Variants in MVB12A observed in about 807,000 individuals in gnomAD.
The protein encoded by MVB12A is CIN85/CD2AP family binding protein.
In MVB12A, 30 loss-of-function variants were observed where a neutral mutation model predicts 34.3. The ratio of observed to expected loss-of-function variants is 0.88; its 90% CI spans 0.65 to 1.19. MVB12A has a LOEUF of 1.19. Ranked by LOEUF, MVB12A falls within the 50% of genes most tolerant of loss-of-function variation. The probability of loss-of-function intolerance (pLI) is 0.00; values close to 1 mark genes in which losing one functional copy is unlikely to be tolerated. For missense variants in MVB12A, 355 were observed against 369.2 expected (o/e 0.96, Z 0.31); for synonymous variants, 158 against 158.9 (o/e 0.99, Z 0.04).
At position 17,423,997 on chromosome 19, in the gene MVB12A, G is replaced by T. The variant is rs149308006; in HGVS notation, c.641-9G>T. The T allele has an allele frequency of 6.2e-7, 1 of 1,613,992 alleles. No individual in the cohort carries two copies. The highest frequency in any genetic ancestry group is 1.7e-5 in the Admixed American group (1 of 59,994). Reference sequence around the variant, plus strand: ...CACCTCACCTCCTCCCCTCGCACGTGTTTTTCAGCCATGGATGGGGTTCCC... The same window carrying T: ...CACCTCACCTCCTCCCCTCGCACGTTTTTTTCAGCCATGGATGGGGTTCCC... On this transcript the variant is annotated splice_polypyrimidine_tract_variant and intron_variant, in intron 6 of 8. Coordinates refer to ENST00000317040, the MANE Select transcript of MVB12A (RefSeq NM_138401.4).
Position 17,420,608 on chromosome 19 carries a change from C to T in MVB12A, c.260C>T (p.Ser87Phe), listed in dbSNP as rs1357319371. The change falls in exon 3 of 9, where the codon TCC becomes TTC. Residue 87 changes from serine to phenylalanine, a missense_variant. By Grantham distance (155) the Ser-to-Phe change is radical. Coordinates refer to ENST00000317040, the MANE Select transcript of MVB12A (RefSeq NM_138401.4). ...VDKSPLPLGF[S>F]PVCDPMDSKA... ...AAGAGCCCCCTGCCGCTGGGCTTCT[C>T]CCCCGTCTGCGACCCCATGGATTCC... The T allele has an allele frequency of 1.2e-6, 2 of 1,613,062 alleles. No homozygotes were observed. Among genetic ancestry groups the T allele is most frequent in the South Asian group, 1.1e-5 (1 of 91,048 alleles).
In MVB12A at chr19:17,424,984, C is replaced by G. The variant is rs1212056837; in HGVS notation, c.813C>G (p.Ser271Arg). 1 of 1,607,690 alleles carries G rather than the reference C, an allele frequency of 6.2e-7. No individual in the cohort carries two copies. The highest frequency in any genetic ancestry group is 1.1e-5 in the South Asian group (1 of 90,510). ...CCGCGGCTGCCCGCCTGCCCCCCAG[C>G]GTCTCATAGTCCCTCACCCTTCCGC... is the stretch of plus-strand genomic sequence containing the variant. ...EKTAAARLPPSVS is the reference protein window; with the variant it reads ...EKTAAARLPPRVS Residue 271 changes from serine to arginine, a missense_variant, in exon 9 of 9, where the codon AGC (serine) becomes AGG (arginine). Coordinates refer to ENST00000317040, the MANE Select transcript of MVB12A (RefSeq NM_138401.4).
chr19:17,414,656 G>A (rs983880376), intron 2 of MVB12A: 14 of 152,130 alleles, frequency 9.2e-5, no homozygotes, highest in African/African-American at 3.4e-4. Flanking sequence ...ATCACTTGAG[G>A]TCAGGAGTTC....
At chr19:17,424,372 A>G (rs2145764830) in intron 7 of MVB12A, among the ~76,000 whole-genome samples, 1 of 152,320 alleles carries the variant, frequency 6.6e-6, no homozygotes, top group Non-Finnish European at 1.5e-5. Flanking sequence ...ACTTGAGGCC[A>G]GGAGATCGAG....
intron 2 of MVB12A, among the ~76,000 whole-genome samples, chr19:17,410,472 G>A (rs891548026): frequency 5.8e-5 from 7 of 120,078 alleles, no homozygotes; most frequent in East Asian, 2.5e-4. Flanking sequence ...GCACCCAGCC[G>A]CTAGCATTCT....
chr19:17,422,182 T>C (rs2074842433), intron 3 of MVB12A, 150 bp from the exon 4 acceptor site: 1 of 617,132 alleles, frequency 1.6e-6, no homozygotes, highest in South Asian at 2.4e-5. Flanking sequence ...ATACCATTCA[T>C]GATTTAACCA....
At chr19:17,423,396 G>A in intron 4 of MVB12A, 102 bp from the exon 5 acceptor site, 1 of 1,305,176 alleles carries the variant, frequency 7.7e-7, no homozygotes, top group Non-Finnish European at 1.0e-6. Flanking sequence ...CCAAAAGACA[G>A]AGGTCACCTG....
chr19:17,416,847 GCAC>G (rs1445464554), upstream of MVB12A, among the ~76,000 whole-genome samples: 1 of 150,732 alleles, frequency 6.6e-6, no homozygotes, highest in Non-Finnish European at 1.5e-5. Context: ...CGACAGGTGT[GCAC>G]CACCACCCCC....
chr19:17,417,814 A>C (rs1170592518), upstream of MVB12A: 2 of 297,334 alleles, frequency 6.7e-6, no homozygotes, highest in African/African-American at 2.2e-5. Context: ...CTTCTCTTTC[A>C]CTGACACTGT....
chr19:17,416,785 C>T (rs559480060), upstream of MVB12A, among the ~76,000 whole-genome samples: 43 of 151,648 alleles, frequency 2.8e-4, no homozygotes, highest in African/African-American at 7.5e-4. Context: ...CTGCAACTTC[C>T]GCCTTCTGAG....
rs13346596 is a variant in MVB12A, at chr19:17,420,107, G to A, written c.-29G>A. Reference sequence around the variant, plus strand: ...TCCGAGGTTCGAGGCTGTGCCCCGCGACCCCGCCTTCGGCGCTCGGCTCGC... The same window carrying A: ...TCCGAGGTTCGAGGCTGTGCCCCGCAACCCCGCCTTCGGCGCTCGGCTCGC... On this transcript the variant is annotated 5_prime_UTR_variant, in exon 1 of 9. Transcript: ENST00000317040. 4.5e-5 allele frequency: 59 copies of A among 1,312,734 alleles called. No homozygotes were observed. Among genetic ancestry groups the A allele is most frequent in the Non-Finnish European group, 5.5e-5 (57 of 1,037,108 alleles). The allele number at this position is 1,312,734 out of a possible 1,614,324, so 81.3% of individuals were successfully genotyped here. A position where few individuals can be genotyped will look rare whatever the true frequency, so the allele number is the denominator to read the frequency against.
At chr19:17,421,699 T>C (rs1162751704) in intron 3 of MVB12A, among the ~76,000 whole-genome samples, 1 of 151,946 alleles carries the variant, frequency 6.6e-6, no homozygotes, top group South Asian at 2.1e-4. Flanking sequence ...CCCAGCACTT[T>C]GGGAGCCTGA....
rs549243437 is a variant in MVB12A at position 17,412,427 on chromosome 19, C to T, written c.-5+6131C>T. On this transcript the variant is annotated intron_variant, in intron 2 of 6. Transcript: ENST00000528604. ...GATCAAAGGTGTGTGCCACCACGCC[C>T]GGCTAATTTTTGTATTTTTAGTAGA... Among the ~76,000 whole-genome samples the T allele has an allele frequency of 1.8e-3, 278 of 152,170 alleles. 2 individuals are homozygous for T. Among genetic ancestry groups the T allele is most frequent in the African/African-American group, 5.6e-3 (234 of 41,506 alleles).
chr19:17,425,251 T>G lies in MVB12A; in HGVS notation c.*258T>G. On this transcript the variant is annotated 3_prime_UTR_variant, in exon 9 of 9. Coordinates refer to ENST00000317040, the MANE Select transcript of MVB12A (RefSeq NM_138401.4). ...GGAGCTGGACAGAAGCCAGTGCCTT[T>G]AAGTCATTTGTGTCAAAACCCTCTG... 1 of 483,148 alleles carries G rather than the reference T, an allele frequency of 2.1e-6. No homozygotes were observed. The allele number at this position is 483,148 out of a possible 1,614,324, so 29.9% of individuals were successfully genotyped here. A position where few individuals can be genotyped will look rare whatever the true frequency, so the allele number is the denominator to read the frequency against.
At chr19:17,418,984 A>G (rs2074819258), upstream of MVB12A, 1 of 151,698 alleles carries the variant, frequency 6.6e-6, no homozygotes, top group Non-Finnish European at 1.5e-5. Flanking sequence ...CCAGAGGAAG[A>G]TAAGATCCCT....
At chr19:17,414,844 G>T (rs1234380013) in intron 2 of MVB12A, 2 of 152,262 alleles carry the variant, frequency 1.3e-5, no homozygotes, top group Non-Finnish European at 2.9e-5. Flanking sequence ...ACTCCAGCCT[G>T]GGCAAGAAAG....
chr19:17,419,843 G>T (rs949546935), upstream of MVB12A: 21 of 272,600 alleles, frequency 7.7e-5, no homozygotes, highest in Non-Finnish European at 1.4e-4. Context: ...GTCCTGTGCC[G>T]TAGCATTTCC....
chr19:17,417,108 TAC>T (rs1332069200), upstream of MVB12A: 3 of 353,588 alleles, frequency 8.5e-6, no homozygotes, highest in East Asian at 6.9e-5. Context: ...CCTTTCAACT[TAC>T]AGTCAGCAAC....
At chr19:17,424,786 C>A (rs966877002) in intron 8 of MVB12A, 109 bp downstream of exon 8, 2 of 1,435,802 alleles carry the variant, frequency 1.4e-6, no homozygotes, top group African/African-American at 1.4e-5. Flanking sequence ...TCCCCATCCC[C>A]GCTTTGCCCC....
Sources: gnomAD v4.1 joint callset for allele counts (sites outside exome capture counted in the v4.1 genomes callset) on GRCh38, gnomAD v4.1.1 for gene constraint, MANE v1.5 for transcripts, NCBI Gene and HGNC (gene_info 2026-07-23, HGNC 2026-07-21) for gene names.